CYP2J2: variants seen among roughly 807,000 people sequenced by gnomAD.
CYP2J2 encodes cytochrome P450 family 2 subfamily J member 2, also known as cytochrome P450 2J2.
CYP2J2 carries 41 observed loss-of-function variants against 48.8 expected under a neutral mutation model. That is an observed-to-expected ratio of 0.84 (90% CI 0.66 to 1.09). The LOEUF is 1.09. Among genes scored for constraint, CYP2J2 ranks in the 50% least tolerant of loss-of-function variants. The pLI, the probability that CYP2J2 is intolerant of heterozygous loss-of-function variation, is 0.00. For missense variants in CYP2J2, 644 were observed against 617.3 expected, an observed-to-expected ratio of 1.04 and a Z score of -0.46; for synonymous variants, 221 against 227.1, an observed-to-expected ratio of 0.97 and a Z score of 0.24.
At chr1:59,962,567 A>T in the CYP2J2 span, among the ~76,000 whole-genome samples, 1 of 152,230 alleles carries the variant, frequency 6.6e-6, no homozygotes, top group Non-Finnish European at 1.5e-5. Flanking sequence ...GTCAATTAAC[A>T]ATTCAAGAAA....
chr1:59,901,168 G>T (rs1226168854), intron 7 of CYP2J2, 65 bp from the exon 8 acceptor site: 2 of 1,558,004 alleles, frequency 1.3e-6, no homozygotes, highest in South Asian at 1.1e-5. Flanking sequence ...ATGCAGAGGG[G>T]TGGTCATCCT....
At chr1:59,913,463 T>C (rs1029022925) in intron 2 of CYP2J2, among the ~76,000 whole-genome samples, 2 of 152,180 alleles carry the variant, frequency 1.3e-5, no homozygotes, top group African/African-American at 4.8e-5. Context: ...ATATCCATGA[T>C]TGAACTCACA....
chr1:59,912,361 T>C (rs780496261), intron 2 of CYP2J2, 50 bp from the exon 3 acceptor site: 1 of 1,558,212 alleles, frequency 6.4e-7, no homozygotes, highest in East Asian at 2.3e-5. Flanking sequence ...ATAATATGAA[T>C]ATCCAGCAAA....
chr1:59,968,763 G>A, the CYP2J2 span, among the ~76,000 whole-genome samples: 11 of 152,236 alleles, frequency 7.2e-5, no homozygotes, highest in Admixed American at 2.6e-4. Flanking sequence ...TTTGTGATGA[G>A]CATGTGCCTC....
the CYP2J2 span, among the ~76,000 whole-genome samples, chr1:59,961,119 TAA>T: frequency 6.6e-6 from 1 of 152,094 alleles, no homozygotes; most frequent in Non-Finnish European, 1.5e-5. Context: ...GCTCAAGCAA[TAA>T]AATAAAACAT....
the CYP2J2 span, among the ~76,000 whole-genome samples, chr1:59,935,019 T>TATATATATATATATAC: frequency 2.4e-5 from 1 of 41,928 alleles, no homozygotes; most frequent in Non-Finnish European, 4.8e-5. Context: ...TATATACATA[T>TATATATATATATATAC]ATATATATAT....
intron 1 of CYP2J2, among the ~76,000 whole-genome samples, chr1:59,925,663 G>A (rs570183764): frequency 6.6e-6 from 1 of 152,272 alleles, no homozygotes; most frequent in Non-Finnish European, 1.5e-5. Flanking sequence ...CTCCCATAAA[G>A]TGATAAAACT....
the CYP2J2 span, among the ~76,000 whole-genome samples, chr1:59,935,109 C>T: frequency 7.1e-6 from 1 of 141,482 alleles, no homozygotes; most frequent in African/African-American, 2.6e-5. Flanking sequence ...TTTTCAACAA[C>T]ATGGACGAAT....
At chr1:59,943,812 A>G in the CYP2J2 span, among the ~76,000 whole-genome samples, 2 of 152,162 alleles carry the variant, frequency 1.3e-5, no homozygotes, top group African/African-American at 4.8e-5. Flanking sequence ...AAAAAATGAG[A>G]TAAGAACAGA....
the CYP2J2 span, among the ~76,000 whole-genome samples, chr1:59,957,673 GACACACAGAC>G: frequency 7.6e-6 from 1 of 131,070 alleles, no homozygotes; most frequent in African/African-American, 2.6e-5. Flanking sequence ...AATATTCACA[GACACACAGAC>G]ACACACACAC....
In CYP2J2 at chr1:59,916,213, C is replaced by G. The variant is rs1048544982; in HGVS notation, c.211-113G>C. On this transcript the variant is annotated intron_variant, in intron 1 of 8. Transcript: ENST00000371204. Reference sequence around the variant, plus strand: ...TTGAGAGGAGTGCGTGTGTCTGTGTCTGTGTGTGTACGTGTGTGTGTGTGT... The same window carrying G: ...TTGAGAGGAGTGCGTGTGTCTGTGTGTGTGTGTGTACGTGTGTGTGTGTGT... 41 of 847,886 alleles carry G rather than the reference C, an allele frequency of 4.8e-5. No homozygotes were observed. The African/African-American group carries it at 6.0e-4, about 12-fold the overall frequency. The allele number at this position is 847,886 out of a possible 1,614,324, so 52.5% of individuals were successfully genotyped here. A position where few individuals can be genotyped will look rare whatever the true frequency, so the allele number is the denominator to read the frequency against.
upstream of CYP2J2, among the ~76,000 whole-genome samples, chr1:59,927,910 A>C (rs889872137): frequency 2.6e-5 from 4 of 152,204 alleles, no homozygotes; most frequent in African/African-American, 9.7e-5. Context: ...AGGTCCAGAG[A>C]GAAATACTAG....
intron 1 of CYP2J2, among the ~76,000 whole-genome samples, chr1:59,916,337 T>C (rs1395329736): frequency 6.6e-6 from 1 of 152,214 alleles, no homozygotes; most frequent in African/African-American, 2.4e-5. Context: ...AGAATGTGAA[T>C]GTTTCTTTAT....
chr1:59,902,668 G>A (rs1644330979), intron 7 of CYP2J2, among the ~76,000 whole-genome samples: 1 of 152,162 alleles, frequency 6.6e-6, no homozygotes, highest in Non-Finnish European at 1.5e-5. Context: ...ACCCGCCTCA[G>A]CCTCCCAAAG....
At chr1:59,935,021 T>TATATATATATACAC in the CYP2J2 span, among the ~76,000 whole-genome samples, 1 of 48,146 alleles carries the variant, frequency 2.1e-5, no homozygotes, top group African/African-American at 8.2e-5. Flanking sequence ...TATACATATA[T>TATATATATATACAC]ATATATATAT....
chr1:59,917,778 C>A (rs760839248), intron 1 of CYP2J2, among the ~76,000 whole-genome samples: 23 of 152,194 alleles, frequency 1.5e-4, no homozygotes, highest in Admixed American at 2.6e-4. Context: ...GTAGACCCTG[C>A]CCCTGCCTTT....
chr1:59,912,409 G>T, intron 2 of CYP2J2, 98 bp from the exon 3 acceptor site: 4 of 1,325,264 alleles, frequency 3.0e-6, no homozygotes, highest in Non-Finnish European at 4.2e-6. Flanking sequence ...GACAGGAGAA[G>T]ATCATTAAGG....
chr1:59,960,542 G>A, the CYP2J2 span, among the ~76,000 whole-genome samples: 1 of 152,110 alleles, frequency 6.6e-6, no homozygotes, highest in African/African-American at 2.4e-5. Flanking sequence ...AATTAATAGG[G>A]GCTTAATACA....
chr1:59,910,171 C>T (rs1450136223), intron 4 of CYP2J2, among the ~76,000 whole-genome samples: 1 of 151,992 alleles, frequency 6.6e-6, no homozygotes, highest in South Asian at 2.1e-4. Context: ...TTTCTCACCA[C>T]CGCAACAGCT....
Sources: allele counts gnomAD v4.1 joint callset (sites outside exome capture counted in the v4.1 genomes callset), GRCh38; gene constraint gnomAD v4.1.1; transcripts MANE v1.5; gene names NCBI Gene and HGNC (gene_info 2026-07-23, HGNC 2026-07-21).